C12orf42: variants seen among roughly 807,000 people sequenced by gnomAD.
The protein encoded by C12orf42 is uncharacterized protein C12orf42.
Under a neutral mutation model 21.6 loss-of-function variants are expected in C12orf42, and 25 were observed. The ratio of observed to expected loss-of-function variants is 1.16; its 90% CI spans 0.84 to 1.62. C12orf42 has a LOEUF of 1.62. Among genes scored for constraint, C12orf42 ranks in the 40% most tolerant of loss-of-function variants. The pLI is 0.00. For missense variants in C12orf42, 483 were observed against 459.3 expected, an observed-to-expected ratio of 1.05 and a Z score of -0.47; for synonymous variants, 174 against 175.0, an observed-to-expected ratio of 0.99 and a Z score of 0.05.
chr12:103,497,282 AT>A (rs1279153042), upstream of C12orf42, among the ~76,000 whole-genome samples: 2 of 152,190 alleles, frequency 1.3e-5, no homozygotes, highest in Non-Finnish European at 2.9e-5. Context: ...TCTACCCACC[AT>A]TTTACTTTAA....
the C12orf42 span, among the ~76,000 whole-genome samples, chr12:103,190,352 G>A: frequency 6.6e-6 from 1 of 151,794 alleles, no homozygotes; most frequent in East Asian, 1.9e-4. Context: ...CCTACTCACA[G>A]TGAGGGTAGG....
At chr12:103,153,636 G>GTGC in the C12orf42 span, among the ~76,000 whole-genome samples, 2 of 152,056 alleles carry the variant, frequency 1.3e-5, no homozygotes, top group Non-Finnish European at 2.9e-5. Context: ...CCACTAGGAT[G>GTGC]ACCAAAATAA....
At chr12:103,309,346 A>C (rs1430529833) in intron 4 of C12orf42, among the ~76,000 whole-genome samples, 2 of 152,220 alleles carry the variant, frequency 1.3e-5, no homozygotes, top group Admixed American at 6.5e-5. Flanking sequence ...CCACTTAATG[A>C]ATAGTAAATA....
chr12:103,492,575 C>T (rs1357608406), intron 1 of C12orf42, among the ~76,000 whole-genome samples: 1 of 152,186 alleles, frequency 6.6e-6, no homozygotes, highest in Non-Finnish European at 1.5e-5. Flanking sequence ...ATGGTTCTTT[C>T]TCCAGCTCAT....
downstream of C12orf42, among the ~76,000 whole-genome samples, chr12:103,297,313 T>A (rs1190779930): frequency 6.6e-6 from 1 of 152,200 alleles, no homozygotes; most frequent in Non-Finnish European, 1.5e-5. Flanking sequence ...AGCTTTGTTC[T>A]TTTGGCCTAG....
chr12:103,436,181 C>T (rs1463629277), intron 2 of C12orf42, among the ~76,000 whole-genome samples: 9 of 149,972 alleles, frequency 6.0e-5, no homozygotes, highest in African/African-American at 2.2e-4. Flanking sequence ...AAATAAAATA[C>T]TTTACAGACA....
At chr12:103,230,949 T>C in the C12orf42 span, among the ~76,000 whole-genome samples, 1 of 152,146 alleles carries the variant, frequency 6.6e-6, no homozygotes, top group Non-Finnish European at 1.5e-5. Context: ...TCTAGCTATA[T>C]CCCAAAAGTT....
intron 4 of C12orf42, among the ~76,000 whole-genome samples, chr12:103,290,386 G>T (rs1017305329): frequency 2.0e-5 from 3 of 152,114 alleles, no homozygotes; most frequent in African/African-American, 7.2e-5. Flanking sequence ...CAATAGGAAG[G>T]TCTCTTTCAT....
At chr12:103,474,000 T>A (rs1163144122) in intron 2 of C12orf42, among the ~76,000 whole-genome samples, 3 of 152,074 alleles carry the variant, frequency 2.0e-5, no homozygotes, top group Non-Finnish European at 4.4e-5. Flanking sequence ...CACTGAGAGG[T>A]TTTTATTCCC....
chr12:103,234,470 A>AG (rs1313178833), downstream of C12orf42, among the ~76,000 whole-genome samples: 1 of 152,094 alleles, frequency 6.6e-6, no homozygotes, highest in African/African-American at 2.4e-5. Flanking sequence ...TTGAAAAAAA[A>AG]TTGTTTGGGT....
chr12:103,254,990 T>G (rs547700797), intron 10 of C12orf42, among the ~76,000 whole-genome samples: 1 of 152,300 alleles, frequency 6.6e-6, no homozygotes, highest in Non-Finnish European at 1.5e-5. Context: ...TCTGTAAGTG[T>G]TTTATGCAAG....
the C12orf42 span, among the ~76,000 whole-genome samples, chr12:103,146,054 G>A: frequency 6.6e-6 from 1 of 151,872 alleles, no homozygotes; most frequent in African/African-American, 2.4e-5. Flanking sequence ...CAAGATTATG[G>A]GTGGTTTTTA....
chr12:103,194,625 A>G, the C12orf42 span, among the ~76,000 whole-genome samples: 1 of 152,276 alleles, frequency 6.6e-6, no homozygotes, highest in South Asian at 2.1e-4. Flanking sequence ...GGTGGAAAAC[A>G]TCTATAGTGA....
the C12orf42 span, among the ~76,000 whole-genome samples, chr12:103,214,094 C>T: frequency 6.6e-6 from 1 of 152,092 alleles, no homozygotes; most frequent in Non-Finnish European, 1.5e-5. Context: ...ATGTAATACC[C>T]CATTTAATAT....
intron 4 of C12orf42, among the ~76,000 whole-genome samples, chr12:103,350,917 CT>C (rs920774960): frequency 5.9e-5 from 9 of 151,518 alleles, no homozygotes; most frequent in Non-Finnish European, 1.2e-4. Flanking sequence ...ATTACTGAGA[CT>C]TTTTTTTTCT....
downstream of C12orf42, among the ~76,000 whole-genome samples, chr12:103,237,301 G>A (rs2033499339): frequency 6.6e-6 from 1 of 152,062 alleles, no homozygotes; most frequent in Non-Finnish European, 1.5e-5. Context: ...CTGGGATTGA[G>A]GATGGAAATG....
chr12:103,429,733 C>T (rs1027367013), intron 2 of C12orf42, among the ~76,000 whole-genome samples: 1 of 152,152 alleles, frequency 6.6e-6, no homozygotes, highest in Non-Finnish European at 1.5e-5. Context: ...TACAAGGCTA[C>T]AGTAACCAAA....
chr12:103,319,425 G>C (rs1459184115), intron 4 of C12orf42, among the ~76,000 whole-genome samples: 1 of 149,492 alleles, frequency 6.7e-6, no homozygotes, highest in Non-Finnish European at 1.5e-5. Flanking sequence ...TTGTTGAAGG[G>C]ATCACCAGAG....
At chr12:103,365,914 C>A (rs899100655) in intron 4 of C12orf42, among the ~76,000 whole-genome samples, 2 of 151,874 alleles carry the variant, frequency 1.3e-5, no homozygotes, top group African/African-American at 4.8e-5. Flanking sequence ...AAGCAATCTA[C>A]AAATTCAATG....
Sources: allele counts gnomAD v4.1 joint callset (sites outside exome capture counted in the v4.1 genomes callset), GRCh38; gene constraint gnomAD v4.1.1; transcripts MANE v1.5; gene names NCBI Gene and HGNC (gene_info 2026-07-23, HGNC 2026-07-21).